Variants in GLOD4 observed in about 807,000 individuals in gnomAD.
GLOD4 encodes glyoxalase domain-containing protein 4.
A neutral mutation model predicts 39.1 loss-of-function variants in GLOD4; 44 were observed. That is an observed-to-expected ratio of 1.13 (90% CI 0.88 to 1.45). The LOEUF (loss-of-function observed/expected upper bound fraction) is 1.45. Ranked by LOEUF, GLOD4 falls within the 40% of genes most tolerant of loss-of-function variation. GLOD4 has a pLI of 0.00. For synonymous variants in GLOD4, 145 were observed against 135.0 expected (o/e 1.07, Z -0.52); for missense variants, 405 against 366.4 (o/e 1.11, Z -0.86).
intron 8 of GLOD4, among the ~76,000 whole-genome samples, chr17:767,889 A>G (rs1247240625): frequency 9.2e-4 from 106 of 114,708 alleles, no homozygotes; most frequent in South Asian, 1.9e-3. Context: ...GAGAGGACGT[A>G]AGAGAGAGAA....
intron 8 of GLOD4, among the ~76,000 whole-genome samples, chr17:767,889 AAG>A (rs1329448219): frequency 1.9e-4 from 22 of 115,048 alleles, no homozygotes; most frequent in African/African-American, 6.0e-4. Context: ...GAGAGGACGT[AAG>A]AGAGAGAAAC....
rs139789387 is a variant in GLOD4, at chr17:778,970, T to C, written c.91-226A>G. Among the ~76,000 whole-genome samples, 517 of 152,240 alleles carry C rather than the reference T, an allele frequency of 3.4e-3. 2 individuals carry two copies. The highest frequency in any genetic ancestry group is 6.4e-3 in the Non-Finnish European group (436 of 68,006). On this transcript the variant is annotated intron_variant, in intron 1 of 8. Transcript: ENST00000301329. ...AAATCAGTTGTGAAATCTATTTAGA[T>C]TGGTAAGCAGTGCTATGCAGTGGGA...
At chr17:775,699 A>G (rs1235771279) in intron 4 of GLOD4, 76 bp downstream of exon 4, 4 of 1,248,524 alleles carry the variant, frequency 3.2e-6, no homozygotes, top group Non-Finnish European at 3.5e-6. Context: ...CTACAAAAAA[A>G]AGACAGGCAG....
chr17:775,286 G>C (rs1361335723), intron 4 of GLOD4, among the ~76,000 whole-genome samples: 2 of 151,678 alleles, frequency 1.3e-5, no homozygotes, highest in African/African-American at 4.8e-5. Context: ...AAAGAAGTCA[G>C]CATCTCCTCT....
intron 8 of GLOD4, 105 bp from the exon 9 acceptor site, chr17:760,343 T>TA: frequency 1.5e-6 from 1 of 663,336 alleles, no homozygotes; most frequent in Non-Finnish European, 2.7e-6. Flanking sequence ...AAATTAACAT[T>TA]AAAAAAAGGA....
intron 2 of GLOD4, 114 bp downstream of exon 2, chr17:778,581 A>T (rs1185385624): frequency 2.6e-6 from 2 of 762,848 alleles, no homozygotes; most frequent in South Asian, 2.8e-5. Context: ...TGCCTCCCTA[A>T]TTTACTGCCT....
intron 4 of GLOD4, among the ~76,000 whole-genome samples, chr17:774,813 C>T (rs1350597203): frequency 1.3e-5 from 2 of 152,080 alleles, no homozygotes; most frequent in South Asian, 4.2e-4. Context: ...TCACGCCTGT[C>T]ACCCCAGCAC....
At chr17:781,989 C>G (rs1040136534) in intron 1 of GLOD4, 177 bp downstream of exon 1, 12 of 594,012 alleles carry the variant, frequency 2.0e-5, no homozygotes, top group African/African-American at 1.9e-4. Flanking sequence ...TCTCCAAGGC[C>G]TATGATCCCC....
At chr17:779,689 ACT>A (rs1004409555) in intron 1 of GLOD4, among the ~76,000 whole-genome samples, 25 of 152,188 alleles carry the variant, frequency 1.6e-4, no homozygotes, top group African/African-American at 6.0e-4. Context: ...TAGTTGTGTA[ACT>A]CTGAGCAAAT....
intron 1 of GLOD4, among the ~76,000 whole-genome samples, chr17:781,706 T>C (rs1237377939): frequency 1.3e-5 from 2 of 152,198 alleles, no homozygotes; most frequent in African/African-American, 4.8e-5. Context: ...GGTTGAGAGT[T>C]GGAGCATATA....
intron 2 of GLOD4, chr17:777,315 G>C: frequency 3.5e-6 from 1 of 289,696 alleles, no homozygotes; most frequent in South Asian, 4.9e-5. Flanking sequence ...ATTCCTAATA[G>C]GCCTTGGACT....
chr17:770,839 G>A (rs368741302), intron 5 of GLOD4: 9 of 232,904 alleles, frequency 3.9e-5, no homozygotes, highest in African/African-American at 1.4e-4. Context: ...TGAATGAGCC[G>A]TAAATTACTG....
In GLOD4 at chr17:759,344, A is replaced by C. The variant is rs1220871742; in HGVS notation, c.*829T>G. ...ATTTCAGAAGCTTACTTTCAAAAAAAATTTATTCAATGAATACACAATATA... is the reference window on the plus strand; with the variant it reads ...ATTTCAGAAGCTTACTTTCAAAAAACATTTATTCAATGAATACACAATATA... On this transcript the variant is annotated 3_prime_UTR_variant, in exon 9 of 9. Transcript: ENST00000301329. The C allele has an allele frequency of 6.6e-6, 1 of 152,250 alleles. No homozygotes were observed. Among genetic ancestry groups the C allele is most frequent in the Non-Finnish European group, 1.5e-5 (1 of 68,052 alleles). 9.4% of individuals were successfully genotyped at this position (152,250 alleles called of 1,614,324 possible).
At chr17:767,501 G>A (rs1906804413) in intron 8 of GLOD4, among the ~76,000 whole-genome samples, 1 of 150,720 alleles carries the variant, frequency 6.6e-6, no homozygotes, top group Non-Finnish European at 1.5e-5. Context: ...GAGGACGTAA[G>A]AGGGAGAAAC....
At chr17:782,726 G>T, upstream of GLOD4, 1 of 1,562,642 alleles carries the variant, frequency 6.4e-7, no homozygotes, top group South Asian at 1.2e-5. Context: ...GAATGTTCTC[G>T]TTTCCCTTCC....
chr17:770,695 G>GTTT (rs71145772), intron 5 of GLOD4, 188 bp from the exon 6 acceptor site: 11 of 380,230 alleles, frequency 2.9e-5, no homozygotes, highest in South Asian at 1.4e-4. Context: ...ACGCATCTAT[G>GTTT]TTTTTTTTTT....
upstream of GLOD4, chr17:783,257 C>T (rs115707541): frequency 3.9e-4 from 630 of 1,614,034 alleles, 3 homozygotes; most frequent in African/African-American, 7.6e-3. Flanking sequence ...TGAAAGGTGT[C>T]AGCCTCATTA....
At position 773,918 on chromosome 17, in the gene GLOD4, G is replaced by A. The variant is rs1009642255; in HGVS notation, c.406+1857C>T. 2.0e-5 allele frequency among the ~76,000 whole-genome samples: 3 copies of A among 152,156 alleles called. No homozygotes were observed. The East Asian group carries it at 5.8e-4, about 29-fold the overall frequency. On this transcript the variant is annotated intron_variant, in intron 4 of 8. Coordinates refer to ENST00000301329, the MANE Select transcript of GLOD4 (RefSeq NM_016080.4). ...TTCAAAGGAAAGATGAATGCCAGCC[G>A]GACAGAAGGTCTGACCACATTGTCA...
chr17:769,660 G>A (rs1291754742), intron 8 of GLOD4, among the ~76,000 whole-genome samples: 1 of 152,164 alleles, frequency 6.6e-6, no homozygotes, highest in Non-Finnish European at 1.5e-5. Context: ...GCAGCCTGAG[G>A]TTGTGGTAAG....
Sources: allele counts gnomAD v4.1 joint callset (sites outside exome capture counted in the v4.1 genomes callset), GRCh38; gene constraint gnomAD v4.1.1; transcripts MANE v1.5; gene names NCBI Gene and HGNC (gene_info 2026-07-23, HGNC 2026-07-21).